The following WAS variants were observed in gnomAD, a reference collection of about 807,000 sequenced individuals.
WAS encodes the protein actin nucleation-promoting factor WAS.
A neutral mutation model predicts 38.9 loss-of-function variants in WAS; 1 was observed. The ratio of observed to expected loss-of-function variants is 0.03; its 90% confidence interval spans 0.01 to 0.12. WAS has a LOEUF of 0.12. Among genes scored for constraint, WAS ranks in the 10% least tolerant of loss-of-function variants. The pLI, the probability that WAS is intolerant of heterozygous loss-of-function variation, is 1.00. For missense variants in WAS, 311 were observed against 431.2 expected (o/e 0.72, Z 2.47); for synonymous variants, 182 against 173.6 (o/e 1.05, Z -0.38).
At chrX:48,690,056 A>G (rs1557007552) in intron 11 of WAS, among the ~76,000 whole-genome samples, 1 of 111,550 alleles carries the variant, frequency 9.0e-6, no homozygotes, top group Non-Finnish European at 1.9e-5. Context: ...ACTATTGTTG[A>G]CAATATTAAT....
chrX:48,682,317 A>C (rs1393331745), upstream of WAS, among the ~76,000 whole-genome samples: 1 of 111,917 alleles, frequency 8.9e-6, no homozygotes, highest in African/African-American at 3.2e-5. Context: ...AACAGCTACC[A>C]CTATAGGCAA....
intron 7 of WAS, 92 bp from the exon 8 acceptor site, chrX:48,687,962 C>T (rs2062425447): frequency 7.3e-6 from 7 of 965,304 alleles, no homozygotes; most frequent in Non-Finnish European, 1.0e-5. Flanking sequence ...CCCTCAGAGT[C>T]TCTTTGGGCA....
At chrX:48,688,228 C>G (rs1048365567) in intron 8 of WAS, 72 bp from the exon 9 acceptor site, 25 of 1,160,782 alleles carry the variant, frequency 2.2e-5, no homozygotes, top group Non-Finnish European at 2.5e-5. Context: ...ATGGACCCAA[C>G]GACAATCCAT....
intron 7 of WAS, 43 bp downstream of exon 7, chrX:48,686,998 G>GA: frequency 2.6e-6 from 3 of 1,171,060 alleles, no homozygotes; most frequent in Non-Finnish European, 3.4e-6. Context: ...CCTGGGGGCA[G>GA]AGGGGCACAT....
chrX:48,685,352 A>C (rs1602177045), intron 2 of WAS, among the ~76,000 whole-genome samples, 195 bp from the exon 3 acceptor site: 1 of 111,125 alleles, frequency 9.0e-6, no homozygotes, highest in South Asian at 3.7e-4. Context: ...ACCTCTCACA[A>C]AAGTGTATGG....
Position 48,688,311 on chromosome X carries a change from C to T in WAS, c.789C>T (p.Leu263=), listed in dbSNP as rs376093906. 1.0e-5 allele frequency: 12 copies of T among 1,203,727 alleles called. No homozygotes were observed. Among genetic ancestry groups the T allele is most frequent in the East Asian group, 6.0e-5 (2 of 33,572 alleles). ...TTCCTCCTGGGCAGGTGAACAACCT[C>T]GACCCAGATCTGCGGAGTCTGTTCT... ...DPQNGFDVNN[L]DPDLRSLFSR... is the part of the protein sequence containing the mutation. Residue 263 remains leucine, a synonymous_variant, in exon 9 of 12, where the codon CTC becomes CTT. Coordinates refer to ENST00000376701, the MANE Select transcript of WAS (RefSeq NM_000377.3).
In WAS at chrX:48,691,275, T is replaced by G; in HGVS notation, c.*113T>G. ...TTCCAGGCCCCCAACCCCCCATTTC[T>G]TCCCCACCAACCCCTCCAATGCTGT... On this transcript the variant is annotated 3_prime_UTR_variant, in exon 12 of 12. Coordinates refer to ENST00000376701, the MANE Select transcript of WAS (RefSeq NM_000377.3). 2.8e-6 allele frequency: 2 copies of G among 703,803 alleles called. No homozygotes were observed. Among genetic ancestry groups the G allele is most frequent in the East Asian group, 3.6e-5 (1 of 28,139 alleles). The allele number at this position is 703,803 out of a possible 1,213,427, so 58.0% of individuals were successfully genotyped here.
chrX:48,679,630 G>C (rs782619409), upstream of WAS, among the ~76,000 whole-genome samples: 132 of 109,873 alleles, frequency 1.2e-3, no homozygotes, highest in Admixed American at 2.5e-3. Context: ...CAAAAAATAT[G>C]ATAATTAGCG....
upstream of WAS, among the ~76,000 whole-genome samples, chrX:48,682,415 C>G (rs1386603924): frequency 8.9e-6 from 1 of 112,004 alleles, no homozygotes; most frequent in African/African-American, 3.2e-5. Context: ...GCACTCCGGG[C>G]AAAGGGGTCA....
At chrX:48,685,435 C>T in intron 2 of WAS, 112 bp from the exon 3 acceptor site, 1 of 574,669 alleles carries the variant, frequency 1.7e-6, no homozygotes, top group South Asian at 2.4e-5. Flanking sequence ...ATCTCCAAAC[C>T]AGACTATGAG....
intron 1 of WAS, among the ~76,000 whole-genome samples, chrX:48,677,286 C>T (rs1312044674): frequency 9.0e-6 from 1 of 110,629 alleles, no homozygotes; most frequent in Non-Finnish European, 1.9e-5. Context: ...GCTTCCTGAC[C>T]ATCCACCAAT....
intron 10 of WAS, 30 bp downstream of exon 10, chrX:48,689,096 G>A (rs1569494096): frequency 3.4e-6 from 4 of 1,176,426 alleles, no homozygotes; most frequent in Middle Eastern, 2.3e-4. Context: ...AGGATTGGGG[G>A]TCTAGGACTC....
At chrX:48,679,013 G>A (rs1260226308), upstream of WAS, among the ~76,000 whole-genome samples, 2 of 109,184 alleles carry the variant, frequency 1.8e-5, no homozygotes, top group African/African-American at 6.7e-5. Flanking sequence ...TAACAAAAAT[G>A]TGCTTTAAGT....
At chrX:48,684,089 T>A in intron 1 of WAS, 104 bp downstream of exon 1, 1 of 1,096,845 alleles carries the variant, frequency 9.1e-7, no homozygotes, top group Non-Finnish European at 1.3e-6. Flanking sequence ...TCCCTCTCCA[T>A]CATCTCCTCT....
At chrX:48,691,064 C>G (rs782384890) in intron 11 of WAS, 43 bp from the exon 12 acceptor site, 63 of 1,184,119 alleles carry the variant, frequency 5.3e-5, no homozygotes, top group Non-Finnish European at 7.1e-5. Flanking sequence ...ATGAAGCCCC[C>G]CACCAACCTC....
upstream of WAS, among the ~76,000 whole-genome samples, chrX:48,679,282 C>T (rs1557005514): frequency 9.0e-6 from 1 of 111,290 alleles, no homozygotes; most frequent in Non-Finnish European, 1.9e-5. Flanking sequence ...TCTTGGCCTC[C>T]CAAAATGCTG....
upstream of WAS, among the ~76,000 whole-genome samples, chrX:48,682,458 G>A (rs140238646): frequency 1.8e-3 from 207 of 112,520 alleles, 1 homozygote; most frequent in African/African-American, 6.4e-3. Flanking sequence ...TAAGTGCTAT[G>A]TGAGTGTTAA....
upstream of WAS, among the ~76,000 whole-genome samples, chrX:48,682,873 GAC>G (rs2062405550): frequency 9.6e-6 from 1 of 104,434 alleles, no homozygotes; most frequent in South Asian, 4.4e-4. Flanking sequence ...CCAGCCTGGC[GAC>G]AGAGTGAGAC....
chrX:48,689,124 G>A lies in WAS; in HGVS notation c.1338+58G>A, dbSNP rs2062431622. 22 of 1,127,532 alleles carry A rather than the reference G, an allele frequency of 2.0e-5. No individual in the cohort carries two copies. The South Asian group carries it at 3.9e-4, about 20-fold the overall frequency. 92.9% of individuals were successfully genotyped at this position (1,127,532 alleles called of 1,213,427 possible). A position where few individuals can be genotyped will look rare whatever the true frequency, so the allele number is the denominator to read the frequency against. On this transcript the variant is annotated intron_variant, in intron 10 of 11. Coordinates refer to ENST00000376701, the MANE Select transcript of WAS (RefSeq NM_000377.3). Reference sequence around the variant, plus strand: ...TAGGACTCTGGGGTGTCCCGTCTAAGTCAGGATACTGGGGGGCTGAGGCCA... The same window carrying A: ...TAGGACTCTGGGGTGTCCCGTCTAAATCAGGATACTGGGGGGCTGAGGCCA...
Sources: allele counts gnomAD v4.1 joint callset (sites outside exome capture counted in the v4.1 genomes callset), GRCh38; gene constraint gnomAD v4.1.1; transcripts MANE v1.5; gene names NCBI Gene and HGNC (gene_info 2026-07-23, HGNC 2026-07-21).